MYH11: variants seen among roughly 807,000 people sequenced by gnomAD.
MYH11 encodes the protein myosin-11.
A neutral mutation model predicts 246.6 loss-of-function variants in MYH11; 80 were observed. The observed-to-expected ratio is 0.32, with a 90% CI of 0.27 to 0.39. MYH11 has a LOEUF of 0.39. Among genes scored for constraint, MYH11 ranks in the 10% least tolerant of loss-of-function variants. The pLI, the probability that MYH11 is intolerant of heterozygous loss-of-function variation, is 1.00. For synonymous variants in MYH11, 1,071 were observed against 1,015.5 expected (o/e 1.05, Z -1.04); for missense variants, 2,158 against 2,546.8 (o/e 0.85, Z 3.29).
chr16:15,795,893 ATGATGGGGCCAGAATTCAAAC>A (rs2042732428), intron 4 of MYH11, among the ~76,000 whole-genome samples: 1 of 152,230 alleles, frequency 6.6e-6, no homozygotes. Context: ...TAACTAGACG[ATGATGGGGCCAGAATTCAAAC>A]CCAAGGGGTT....
chr16:15,738,704 G>A lies in MYH11; in HGVS notation c.2998-16C>T, dbSNP rs1567715929. ...GTTTTCGTTCCTTTTTGGGGAAAGA[G>A]AAAGAGATAGCTTTAGGATTTTTCT... On this transcript the variant is annotated splice_polypyrimidine_tract_variant and intron_variant, in intron 23 of 40. Transcript: ENST00000300036. 6.2e-7 allele frequency: 1 copy of A among 1,612,922 alleles called. No individual in the cohort carries two copies. Among genetic ancestry groups the A allele is most frequent in the South Asian group, 1.1e-5 (1 of 90,942 alleles).
At chr16:15,753,619 G>T in intron 14 of MYH11, 111 bp from the exon 15 acceptor site, 1 of 847,098 alleles carries the variant, frequency 1.2e-6, no homozygotes, top group Non-Finnish European at 2.0e-6. Flanking sequence ...GGTCAGAGAG[G>T]AAATGACGTT....
At chr16:15,810,405 A>G (rs1231728251) in intron 3 of MYH11, among the ~76,000 whole-genome samples, 3 of 152,142 alleles carry the variant, frequency 2.0e-5, no homozygotes, top group African/African-American at 7.2e-5. Flanking sequence ...CATGGGTACC[A>G]AAAATAAAAA....
chr16:15,713,734 C>G (rs910011797), intron 40 of MYH11: 1 of 152,288 alleles, frequency 6.6e-6, no homozygotes, highest in African/African-American at 2.4e-5. Flanking sequence ...ATTCACCTGC[C>G]TTGGCCTCCC....
At chr16:15,745,968 G>A (rs1170059824) in intron 19 of MYH11, among the ~76,000 whole-genome samples, 1 of 152,144 alleles carries the variant, frequency 6.6e-6, no homozygotes, top group Non-Finnish European at 1.5e-5. Context: ...CCAGGCTGGA[G>A]TGCAGTGGTG....
chr16:15,717,282 G>T lies in MYH11; in HGVS notation c.5362C>A (p.Gln1788Lys). Residue 1788 changes from glutamine to lysine, a missense_variant, in exon 38 of 41, where the codon CAG becomes AAG. This residue lies in a region of MYH11 where 1,013 missense variants were observed against 993.5 expected (regional missense o/e 1.02). Transcript: ENST00000300036. Reference protein sequence around the residue: ...STAQKNESARQQLERQNKELR... With the variant: ...STAQKNESARKQLERQNKELR... ...TCCTTGTTCTGCCGCTCGAGCTGCT[G>T]CCGGGCACTCTCATTCTTCTGGGCC... 1 of 1,613,640 alleles carries T rather than the reference G, an allele frequency of 6.2e-7. No homozygotes were observed.
At chr16:15,806,652 C>CCA (rs2043021082) in intron 3 of MYH11, among the ~76,000 whole-genome samples, 1 of 152,190 alleles carries the variant, frequency 6.6e-6, no homozygotes, top group South Asian at 2.1e-4. Context: ...TCATTTTATA[C>CCA]CACCTCTGAA....
intron 40 of MYH11, chr16:15,714,600 A>C: frequency 1.9e-6 from 1 of 514,092 alleles, no homozygotes; most frequent in Non-Finnish European, 3.5e-6. Context: ...TCAGTGATGC[A>C]ATGAAGGAGG....
rs751896922 is a variant in MYH11 at position 15,717,142 on chromosome 16, G to C, written c.5502C>G (p.Ala1834=). Residue 1834 remains alanine, a splice_region_variant and synonymous_variant, in exon 38 of 41, where the codon GCC becomes GCG. Transcript: ENST00000300036. Reference sequence around the variant, plus strand: ...TTCGGAACTCCACACCCGCATACCTGGCCTCCTGCTCGACCTGCTCCTCCA... The same window carrying C: ...TTCGGAACTCCACACCCGCATACCTCGCCTCCTGCTCGACCTGCTCCTCCA... ...AQLEEQVEQE[A]REKQAATKSL... is the part of the protein sequence containing the mutation. 6.2e-7 allele frequency: 1 copy of C among 1,614,114 alleles called. No individual in the cohort carries two copies. Among genetic ancestry groups the C allele is most frequent in the Non-Finnish European group, 8.5e-7 (1 of 1,180,008 alleles).
intron 2 of MYH11, among the ~76,000 whole-genome samples, chr16:15,831,411 G>GA (rs929165468): frequency 6.6e-6 from 1 of 150,774 alleles, no homozygotes; most frequent in Non-Finnish European, 1.5e-5. Context: ...GGGTTAAGTG[G>GA]AAAAAAAATC....
chr16:15,759,742 C>A lies in MYH11; in HGVS notation c.1249-14G>T. The A allele has an allele frequency of 6.2e-7, 1 of 1,613,602 alleles. No individual in the cohort carries two copies. On this transcript the variant is annotated splice_polypyrimidine_tract_variant and intron_variant, in intron 11 of 40. Coordinates refer to ENST00000300036, the MANE Select transcript of MYH11 (RefSeq NM_002474.3). ...AGCAAAGTCAGCCTGCAGAGGGCAA[C>A]CAGGGGAACCCGGTTATTCTCAATG...
intron 31 of MYH11, among the ~76,000 whole-genome samples, chr16:15,723,364 G>A (rs2040583917): frequency 6.6e-6 from 1 of 151,986 alleles, no homozygotes; most frequent in Non-Finnish European, 1.5e-5. Flanking sequence ...ATAAATATGT[G>A]GGCCGGGCAT....
intron 1 of MYH11, among the ~76,000 whole-genome samples, chr16:15,849,916 G>A (rs561559750): frequency 6.6e-6 from 1 of 152,216 alleles, no homozygotes; most frequent in East Asian, 1.9e-4. Flanking sequence ...TAAATCAATG[G>A]TAGGCTGGCC....
rs537107682 is a variant in MYH11, at chr16:15,756,890, C to T, written c.1576-376G>A. Among the ~76,000 whole-genome samples the T allele has an allele frequency of 6.0e-5, 9 of 148,814 alleles. No homozygotes were observed. In the South Asian group the frequency reaches 1.9e-3, roughly 32 times the overall value. On this transcript the variant is annotated intron_variant, in intron 13 of 40. Transcript: ENST00000300036. ...CTCGACTCACTGCAAGCTCCGCTTC[C>T]TGGGTTCACGCCATTCTCCTGCCTC...
At chr16:15,780,639 C>A (rs566351628) in intron 6 of MYH11, among the ~76,000 whole-genome samples, 3 of 151,738 alleles carry the variant, frequency 2.0e-5, no homozygotes, top group Non-Finnish European at 1.5e-5. Context: ...TGTGTCACTG[C>A]GCCCAGCTAA....
Position 15,737,508 on chromosome 16 carries a change from G to A in MYH11, c.3234C>T (p.Ile1078=), listed in dbSNP as rs1232373874. Residue 1078 remains isoleucine, a synonymous_variant, in exon 25 of 41, where the codon ATC becomes ATT. Transcript: ENST00000300036. ...TGGCCAGCTGCATCTTGAGCTCTGC[G>A]ATCTGCGCCTGGAGGTCAGCGATCT... ...HEQIADLQAQ[I]AELKMQLAKK... is the part of the protein sequence containing the mutation. The A allele has an allele frequency of 3.7e-6, 6 of 1,613,806 alleles. No homozygotes were observed. The highest frequency in any genetic ancestry group is 2.2e-5 in the East Asian group (1 of 44,894).
chr16:15,724,537 G>T (rs558625464), intron 30 of MYH11, 110 bp downstream of exon 30: 6 of 1,606,594 alleles, frequency 3.7e-6, no homozygotes, highest in Admixed American at 1.7e-5. Flanking sequence ...GGGGAAGCTG[G>T]GGGGTCAAGC....
chr16:15,779,094 T>G, intron 6 of MYH11: 4 of 613,906 alleles, frequency 6.5e-6, no homozygotes, highest in Non-Finnish European at 1.2e-5. Context: ...GCTTTTGCAA[T>G]GACCGTAGTC....
At chr16:15,718,802 TCA>T (rs1178188058) in intron 36 of MYH11, 2 of 413,706 alleles carry the variant, frequency 4.8e-6, no homozygotes, top group East Asian at 1.0e-4. Flanking sequence ...GTCCCCAATC[TCA>T]GAGGACGCTT....
Sources: gnomAD v4.1 joint callset for allele counts (sites outside exome capture counted in the v4.1 genomes callset) on GRCh38, gnomAD v4.1.1 for gene constraint, gnomAD v4.1.1 regional missense constraint, MANE v1.5 for transcripts, NCBI Gene and HGNC (gene_info 2026-07-23, HGNC 2026-07-21) for gene names.